Variants in FEZ1 observed in about 807,000 individuals in gnomAD.
FEZ1 encodes the protein fasciculation and elongation protein zeta-1.
Under a neutral mutation model 49.3 loss-of-function variants are expected in FEZ1, and 20 were observed. The observed-to-expected ratio is 0.41, with a 90% CI of 0.29 to 0.59. The LOEUF (loss-of-function observed/expected upper bound fraction) is 0.59, where lower values mean the gene tolerates loss of function less well. Ranked by LOEUF, FEZ1 falls within the 20% of genes least tolerant of loss-of-function variation. FEZ1 has a pLI of 0.36. For synonymous variants in FEZ1, 170 were observed against 180.9 expected (o/e 0.94, Z 0.48); for missense variants, 413 against 476.0 (o/e 0.87, Z 1.23).
intron 3 of FEZ1, among the ~76,000 whole-genome samples, chr11:125,470,140 A>C (rs1380741610): frequency 6.6e-6 from 1 of 152,212 alleles, no homozygotes; most frequent in Non-Finnish European, 1.5e-5. Context: ...GAGCAGAAGA[A>C]ACCTCTTCTA....
intron 1 of FEZ1, among the ~76,000 whole-genome samples, chr11:125,493,422 GAAGGAAAGAAGGAAA>G: frequency 2.7e-5 from 1 of 37,626 alleles, no homozygotes; most frequent in South Asian, 1.0e-3. Context: ...AAGAAAGAAA[GAAGGAAAGAAGGAAA>G]GAAGGAAAGA....
Position 125,448,417 on chromosome 11 carries a change from C to T in FEZ1, c.1162+85G>A, listed in dbSNP as rs939968362. 2.4e-5 allele frequency: 21 copies of T among 878,622 alleles called. No homozygotes were observed. The African/African-American group carries it at 3.1e-4, about 13-fold the overall frequency. The allele number at this position is 878,622 out of a possible 1,614,324, so 54.4% of individuals were successfully genotyped here. ...CTGGCCCCTGCCTGGTCTGGTCTGG[C>T]ATGGGCAAGCTGGGAAGGTTCCCTA... On this transcript the variant is annotated intron_variant, in intron 9 of 9. Transcript: ENST00000278919.
intron 8 of FEZ1, among the ~76,000 whole-genome samples, chr11:125,451,930 C>T (rs1478905190): frequency 9.9e-5 from 15 of 152,222 alleles, no homozygotes; most frequent in Non-Finnish European, 2.9e-5. Flanking sequence ...GACCCAGAGA[C>T]CAGGCGCCCT....
At chr11:125,460,205 C>T (rs1446050882) in intron 5 of FEZ1, 7 of 274,574 alleles carry the variant, frequency 2.5e-5, no homozygotes, top group Non-Finnish European at 2.7e-5. Flanking sequence ...TTTATGGTAG[C>T]ATCATTCATT....
intron 4 of FEZ1, 27 bp downstream of exon 4, chr11:125,463,457 C>T (rs1011390195): frequency 5.1e-6 from 7 of 1,374,370 alleles, no homozygotes; most frequent in Non-Finnish European, 6.2e-6. Context: ...AACAAAAGGT[C>T]CCGATAACCT....
intron 4 of FEZ1, among the ~76,000 whole-genome samples, chr11:125,462,043 G>A (rs2135752325): frequency 6.6e-6 from 1 of 152,272 alleles, no homozygotes; most frequent in Non-Finnish European, 1.5e-5. Flanking sequence ...CAAGTCACAA[G>A]AATAGCTATT....
chr11:125,488,858 T>C, intron 2 of FEZ1: 1 of 985,396 alleles, frequency 1.0e-6, no homozygotes. Context: ...TTGACTACTA[T>C]TAAGACCCTA....
chr11:125,446,413 C>T (rs571936253), intron 9 of FEZ1, among the ~76,000 whole-genome samples: 10 of 152,336 alleles, frequency 6.6e-5, no homozygotes, highest in South Asian at 4.1e-4. Context: ...AACGTACCTG[C>T]GCCTACCCCG....
At chr11:125,472,687 T>C (rs963451054) in intron 3 of FEZ1, among the ~76,000 whole-genome samples, 10 of 152,022 alleles carry the variant, frequency 6.6e-5, no homozygotes, top group Admixed American at 2.0e-4. Context: ...AAAGTAGAGA[T>C]AGAGAGGATA....
chr11:125,468,047 C>T (rs1957148952), intron 3 of FEZ1, among the ~76,000 whole-genome samples: 1 of 152,124 alleles, frequency 6.6e-6, no homozygotes, highest in South Asian at 2.1e-4. Flanking sequence ...CATATTAACT[C>T]AAGCAAATTA....
In FEZ1 at chr11:125,455,937, G is replaced by A. The variant is rs1591582544; in HGVS notation, c.837C>T (p.Asn279=). Residue 279 remains asparagine, a synonymous_variant, in exon 6 of 10, where the codon AAC becomes AAT. Coordinates refer to ENST00000278919, the MANE Select transcript of FEZ1 (RefSeq NM_005103.5). The stretch of plus-strand genomic sequence containing the variant: ...TCAGTTCTCGCTGCTCCTTCTGCTT[G>A]TTCTGAACCTCAATAAGCACCGTGA... The part of the protein sequence containing the change: ...SFITVLIEVQ[N]KQKEQRELMK... 3 of 1,613,196 alleles carry A rather than the reference G, an allele frequency of 1.9e-6. No homozygotes were observed. Among genetic ancestry groups the A allele is most frequent in the Middle Eastern group, 3.3e-4 (2 of 6,060 alleles).
chr11:125,469,031 C>T (rs554043913), intron 3 of FEZ1: 6 of 152,344 alleles, frequency 3.9e-5, no homozygotes, highest in African/African-American at 1.4e-4. Flanking sequence ...GGATGTAAGA[C>T]TCTACAGAAT....
intron 2 of FEZ1, among the ~76,000 whole-genome samples, chr11:125,487,123 C>A (rs1195058693): frequency 6.6e-6 from 1 of 152,114 alleles, no homozygotes; most frequent in African/African-American, 2.4e-5. Context: ...CATTGAGTGG[C>A]CTCTTCTAAT....
At chr11:125,475,929 T>C (rs945774099) in intron 3 of FEZ1, among the ~76,000 whole-genome samples, 2 of 152,230 alleles carry the variant, frequency 1.3e-5, no homozygotes, top group Non-Finnish European at 2.9e-5. Context: ...AATAAGCCGC[T>C]GGTGATATAT....
intron 2 of FEZ1, among the ~76,000 whole-genome samples, chr11:125,482,899 C>A (rs551418678): frequency 9.1e-5 from 12 of 131,346 alleles, no homozygotes; most frequent in South Asian, 2.6e-4. Flanking sequence ...ATGGGAAGAA[C>A]CTTAGGAAGT....
At position 125,455,830 on chromosome 11, in the gene FEZ1, C is replaced by A. The variant is rs764656367; in HGVS notation, c.939+5G>T. The A allele has an allele frequency of 5.6e-6, 9 of 1,613,872 alleles. No homozygotes were observed. The highest frequency in any genetic ancestry group is 2.2e-5 in the South Asian group (2 of 91,076). ...ACCCAGTCTTCCACCTGGTTGTTCA[C>A]CTACCTTGAGAGGCATCTGGTTTCC... On this transcript the variant is annotated splice_donor_5th_base_variant and intron_variant, in intron 6 of 9. Transcript: ENST00000278919.
chr11:125,462,508 T>C (rs993028962), intron 4 of FEZ1, among the ~76,000 whole-genome samples: 1 of 152,192 alleles, frequency 6.6e-6, no homozygotes, highest in African/African-American at 2.4e-5. Context: ...TTTGGGACCC[T>C]TGTTTGAGTG....
intron 8 of FEZ1, 60 bp downstream of exon 8, chr11:125,452,274 G>A (rs1362859005): frequency 8.6e-6 from 10 of 1,166,174 alleles, no homozygotes; most frequent in African/African-American, 4.5e-5. Context: ...GAGGTACAAC[G>A]TACAGGCAGG....
At chr11:125,478,511 T>C (rs993002788) in intron 3 of FEZ1, among the ~76,000 whole-genome samples, 3 of 152,196 alleles carry the variant, frequency 2.0e-5, no homozygotes, top group African/African-American at 7.2e-5. Context: ...GAGAGAAGCA[T>C]CACAGCTGTG....
Sources: allele counts gnomAD v4.1 joint callset (sites outside exome capture counted in the v4.1 genomes callset), GRCh38; gene constraint gnomAD v4.1.1; transcripts MANE v1.5; gene names NCBI Gene and HGNC (gene_info 2026-07-23, HGNC 2026-07-21).